The following ABCA13 variants were observed in gnomAD, a reference collection of about 807,000 sequenced individuals.
ABCA13 encodes the protein ATP-binding cassette sub-family A member 13.
Under a neutral mutation model 478.7 loss-of-function variants are expected in ABCA13, and 476 were observed. The ratio of observed to expected loss-of-function variants is 0.99; its 90% confidence interval spans 0.92 to 1.07. ABCA13 has a LOEUF of 1.07. ABCA13 is among the 50% of genes least tolerant of loss of function. The probability of loss-of-function intolerance (pLI) is 0.00; values close to 1 mark genes in which losing one functional copy is unlikely to be tolerated. For synonymous variants in ABCA13, 2,252 were observed against 2,158.9 expected, an observed-to-expected ratio of 1.04 and a Z score of -1.20; for missense variants, 6,060 against 5,910.6, an observed-to-expected ratio of 1.03 and a Z score of -0.83.
intron 17 of ABCA13, 65 bp from the exon 18 acceptor site, chr7:48,278,029 T>G (rs1486412524): frequency 3.6e-6 from 2 of 556,460 alleles, no homozygotes; most frequent in Non-Finnish European, 5.2e-6. Context: ...ACTATGTATC[T>G]TAATATTTCC....
chr7:48,291,364 G>A (rs929580713), intron 20 of ABCA13, among the ~76,000 whole-genome samples: 9 of 152,184 alleles, frequency 5.9e-5, no homozygotes, highest in Admixed American at 3.9e-4. Context: ...ACAATGCAGG[G>A]GTTCAGTTGC....
At chr7:48,517,482 C>T (rs1401705464) in intron 52 of ABCA13, among the ~76,000 whole-genome samples, 1 of 152,132 alleles carries the variant, frequency 6.6e-6, no homozygotes, top group East Asian at 1.9e-4. Context: ...CGCCACTCTC[C>T]AATAGGCCGT....
At chr7:48,439,425 A>T (rs7795217) in intron 42 of ABCA13, among the ~76,000 whole-genome samples, 45,252 of 151,950 alleles carry the variant, frequency 0.3, 6,817 homozygotes, top group East Asian at 0.38. Flanking sequence ...AAAAGTTATT[A>T]AAAAATGTAT....
chr7:48,292,438 C>T (rs1157226576), intron 20 of ABCA13, among the ~76,000 whole-genome samples: 1 of 152,134 alleles, frequency 6.6e-6, no homozygotes, highest in Non-Finnish European at 1.5e-5. Context: ...ATCCCTAATG[C>T]GGTAGCCAGA....
chr7:48,226,132 T>C (rs1788174394), intron 5 of ABCA13, among the ~76,000 whole-genome samples: 1 of 152,066 alleles, frequency 6.6e-6, no homozygotes, highest in Non-Finnish European at 1.5e-5. Flanking sequence ...GTTGTAGCTA[T>C]TGATAATGAA....
chr7:48,279,060 C>G lies in ABCA13; in HGVS notation c.7866C>G (p.Leu2622=), dbSNP rs549224947. ...SDIFSMSPSI[L]SYMNQSKDFS... is the part of the protein sequence containing the mutation. ...TTTTCAGTATGTCACCTAGCATACT[C>G]TCATATATGAACCAATCTAAGGACT... Residue 2622 remains leucine (L), a synonymous_variant, in exon 18 of 62, where the codon CTC becomes CTG. Coordinates refer to ENST00000435803, the MANE Select transcript of ABCA13 (RefSeq NM_152701.5). 4.3e-6 allele frequency: 7 copies of G among 1,612,966 alleles called. No homozygotes were observed. In the South Asian group the frequency reaches 6.6e-5, roughly 15 times the overall value.
At chr7:48,212,147 G>T (rs1032702123) in intron 3 of ABCA13, among the ~76,000 whole-genome samples, 1 of 152,130 alleles carries the variant, frequency 6.6e-6, no homozygotes, top group African/African-American at 2.4e-5. Context: ...TGCTCATCTG[G>T]CTCAGGGCTG....
Position 48,412,581 on chromosome 7 carries a change from G to C in ABCA13, c.12457G>C (p.Glu4153Gln). ...GYGISDTTLE[E>Q]VFLMLLQDSN... The stretch of plus-strand genomic sequence containing the variant: ...TGGGATCTCAGACACCACCTTAGAA[G>C]AGGTACTGAGAAAACTGAAGCGTGC... The change falls in exon 41 of 62, where the codon GAG (glutamate) becomes CAG (glutamine). Residue 4153 changes from glutamate (E) to glutamine (Q), a missense_variant and splice_region_variant. Physicochemically the swap from Glu to Gln is conservative, Grantham distance 29. Around this residue, in one of 3 missense-constraint regions of ABCA13, gnomAD observed 1,627 missense variants for 1,571.0 expected, o/e 1.04. Transcript: ENST00000435803. The C allele has an allele frequency of 3.8e-6, 6 of 1,593,884 alleles. No homozygotes were observed. The highest frequency in any genetic ancestry group is 5.1e-6 in the Non-Finnish European group (6 of 1,170,318).
chr7:48,249,202 T>C lies in ABCA13; in HGVS notation c.1866-10T>C. The C allele has an allele frequency of 6.3e-7, 1 of 1,591,970 alleles. No individual in the cohort carries two copies. On this transcript the variant is annotated splice_polypyrimidine_tract_variant and intron_variant, in intron 14 of 61. Coordinates refer to ENST00000435803, the MANE Select transcript of ABCA13 (RefSeq NM_152701.5). ...AATTTTAATTTTCTCTGGATTCTTT[T>C]TGATTGCAGGATATTTCATACACTT... is the stretch of plus-strand genomic sequence containing the variant.
chr7:48,312,940 G>A, intron 24 of ABCA13, 127 bp from the exon 25 acceptor site: 2 of 980,944 alleles, frequency 2.0e-6, no homozygotes, highest in Non-Finnish European at 2.8e-6. Context: ...GTACCGCAAA[G>A]GCGTCTCTGA....
chr7:48,400,587 C>T (rs542566034), intron 38 of ABCA13, among the ~76,000 whole-genome samples: 1 of 152,194 alleles, frequency 6.6e-6, no homozygotes, highest in East Asian at 1.9e-4. Flanking sequence ...AAAAAAAATT[C>T]AACAGATTAA....
rs745370991 is a variant in ABCA13, at chr7:48,352,269, C to A, written c.10470C>A (p.Thr3490=). The change falls in exon 31 of 62, where the codon ACC becomes ACA. Residue 3490 remains threonine (T), a synonymous_variant. Transcript: ENST00000435803. ...CCCATGTCTCATACACAATCCGGACCAATGTGTTATACAGCGTGCGAACAG... is the reference window on the plus strand; with the variant it reads ...CCCATGTCTCATACACAATCCGGACAAATGTGTTATACAGCGTGCGAACAG... ...LPPHVSYTIR[T]NVLYSVRTDV... is the part of the protein sequence containing the mutation. 1 of 1,613,788 alleles carries A rather than the reference C, an allele frequency of 6.2e-7. No individual in the cohort carries two copies. Among genetic ancestry groups the A allele is most frequent in the South Asian group, 1.1e-5 (1 of 91,074 alleles).
At chr7:48,635,464 T>C (rs1338293315) in intron 59 of ABCA13, among the ~76,000 whole-genome samples, 2 of 152,126 alleles carry the variant, frequency 1.3e-5, no homozygotes, top group Non-Finnish European at 2.9e-5. Context: ...GCTTCTCCCA[T>C]GTGGAAACCC....
At chr7:48,334,582 G>A (rs193201525) in intron 27 of ABCA13, among the ~76,000 whole-genome samples, 2,177 of 152,244 alleles carry the variant, frequency 0.014, 18 homozygotes, top group Non-Finnish European at 0.022. Context: ...TGAGCCACCC[G>A]CCTTGGCCTC....
chr7:48,507,127 T>G (rs1831285308), intron 49 of ABCA13, among the ~76,000 whole-genome samples: 1 of 152,180 alleles, frequency 6.6e-6, no homozygotes, highest in South Asian at 2.1e-4. Flanking sequence ...TTTTCAGGGT[T>G]CTAGCTTTAA....
intron 45 of ABCA13, 107 bp downstream of exon 45, chr7:48,471,706 C>T: frequency 9.3e-7 from 1 of 1,078,440 alleles, no homozygotes; most frequent in Non-Finnish European, 1.3e-6. Context: ...GTCTTTATAA[C>T]TTTTTGGTTT....
chr7:48,426,840 C>G (rs1821490381), intron 41 of ABCA13, among the ~76,000 whole-genome samples: 1 of 152,128 alleles, frequency 6.6e-6, no homozygotes, highest in Non-Finnish European at 1.5e-5. Flanking sequence ...CACTTTACAG[C>G]CATCATCTAC....
chr7:48,335,593 G>A, intron 28 of ABCA13, 58 bp downstream of exon 28: 1 of 1,375,030 alleles, frequency 7.3e-7, no homozygotes, highest in South Asian at 1.2e-5. Flanking sequence ...GCATGTCCGA[G>A]ACATCAGGGC....
At chr7:48,409,482 A>C (rs561955692) in intron 39 of ABCA13, among the ~76,000 whole-genome samples, 8 of 152,214 alleles carry the variant, frequency 5.3e-5, no homozygotes, top group Admixed American at 5.2e-4. Context: ...GGAACACCCA[A>C]GTCCCCCTCC....
Sources: allele counts gnomAD v4.1 joint callset (sites outside exome capture counted in the v4.1 genomes callset), GRCh38; gene constraint gnomAD v4.1.1; regional missense constraint gnomAD v4.1.1; transcripts MANE v1.5; gene names NCBI Gene and HGNC (gene_info 2026-07-23, HGNC 2026-07-21).